Variants in CNTN6 observed in about 807,000 individuals in gnomAD.
CNTN6 encodes contactin 6, also known as contactin-6.
A neutral mutation model predicts 122.8 loss-of-function variants in CNTN6; 137 were observed. The observed-to-expected ratio is 1.12, with a 90% confidence interval of 0.97 to 1.29. CNTN6 has a LOEUF of 1.29. CNTN6 is among the 50% of genes most tolerant of loss of function. The pLI, the probability that CNTN6 is intolerant of heterozygous loss-of-function variation, is 0.00. For missense variants in CNTN6, 1,634 were observed against 1,223.4 expected (o/e 1.34, Z -5.01); for synonymous variants, 570 against 426.0 (o/e 1.34, Z -4.16).
chr3:1,392,500 G>T (rs11128656), intron 20 of CNTN6, among the ~76,000 whole-genome samples: 9 of 146,314 alleles, frequency 6.2e-5, no homozygotes, highest in South Asian at 4.6e-4. Context: ...GCATGGGCAA[G>T]GACTTCATGT....
intron 4 of CNTN6, among the ~76,000 whole-genome samples, chr3:1,252,261 T>C (rs1257354284): frequency 6.6e-6 from 1 of 152,336 alleles, no homozygotes; most frequent in Non-Finnish European, 1.5e-5. Flanking sequence ...GAACAGCCTT[T>C]TCATTGTGCT....
chr3:1,386,286 C>T (rs750199793), intron 20 of CNTN6, among the ~76,000 whole-genome samples: 7 of 152,000 alleles, frequency 4.6e-5, no homozygotes, highest in African/African-American at 1.2e-4. Context: ...CATTTGAGTC[C>T]GAGTATATTC....
chr3:1,189,520 C>T (rs1419361404), intron 2 of CNTN6, among the ~76,000 whole-genome samples: 1 of 152,054 alleles, frequency 6.6e-6, no homozygotes, highest in East Asian at 1.9e-4. Flanking sequence ...AAGTGCTTAC[C>T]ACATTCACTT....
chr3:1,403,291 T>C, intron 22 of CNTN6, 27 bp from the exon 23 acceptor site: 1 of 1,477,910 alleles, frequency 6.8e-7, no homozygotes, highest in Non-Finnish European at 9.4e-7. Context: ...TCTCAAAATA[T>C]TTTTGTCTTA....
At chr3:1,286,242 G>A (rs995472961) in intron 5 of CNTN6, among the ~76,000 whole-genome samples, 1 of 152,094 alleles carries the variant, frequency 6.6e-6, no homozygotes, top group Non-Finnish European at 1.5e-5. Context: ...CACATGTGAA[G>A]AAAGTGCAGG....
At chr3:1,371,470 T>C (rs1709001441) in intron 12 of CNTN6, among the ~76,000 whole-genome samples, 1 of 152,138 alleles carries the variant, frequency 6.6e-6, no homozygotes, top group Non-Finnish European at 1.5e-5. Flanking sequence ...TTCATAGATA[T>C]TGAGTTGCTC....
In CNTN6 at chr3:1,321,702, A is replaced by C; in HGVS notation, c.814A>C (p.Lys272Gln). 1.2e-6 allele frequency: 2 copies of C among 1,611,738 alleles called. No individual in the cohort carries two copies. Among genetic ancestry groups the C allele is most frequent in the Non-Finnish European group, 8.5e-7 (1 of 1,178,542 alleles). Residue 272 changes from lysine to glutamine, a missense_variant, in exon 8 of 23, where the codon AAA (lysine) becomes CAA (glutamine). Physicochemically the swap from Lys to Gln is moderately conservative, Grantham distance 53. Transcript: ENST00000446702. ...RRLDGSPLPG[K>Q]VKYSKSQAIL... The stretch of plus-strand genomic sequence containing the variant: ...GTTGGACGGGAGCCCGTTGCCAGGG[A>C]AAGTCAAGTACAGCAAATCCCAAGC...
chr3:1,202,227 A>T lies in CNTN6; in HGVS notation c.56-18460A>T, dbSNP rs999185829. Among the ~76,000 whole-genome samples the T allele has an allele frequency of 2.0e-5, 3 of 152,260 alleles. No individual in the cohort carries two copies. The South Asian group carries it at 6.2e-4, about 31-fold the overall frequency. On this transcript the variant is annotated intron_variant, in intron 2 of 22. Transcript: ENST00000446702. ...ATGACTAGGAATGAGGAGAAGGAAA[A>T]GCTTCATGCATACTCAGCTGTAACA...
chr3:1,191,787 C>G (rs1192744958), intron 2 of CNTN6, among the ~76,000 whole-genome samples: 1 of 152,048 alleles, frequency 6.6e-6, no homozygotes, highest in East Asian at 1.9e-4. Context: ...AGTTTAGTGT[C>G]AGAATTGAAT....
At chr3:1,215,465 T>C (rs1207630835) in intron 2 of CNTN6, among the ~76,000 whole-genome samples, 9 of 152,230 alleles carry the variant, frequency 5.9e-5, no homozygotes. Flanking sequence ...TTGTTATTTA[T>C]TGATGTTGCC....
intron 1 of CNTN6, among the ~76,000 whole-genome samples, chr3:1,144,561 G>A (rs2092682966): frequency 6.7e-6 from 1 of 149,672 alleles, no homozygotes; most frequent in Middle Eastern, 3.4e-3. Context: ...GACAACAAGA[G>A]CAAAACTCCA....
At chr3:1,312,326 A>ATATATG (rs1033809859) in intron 7 of CNTN6, among the ~76,000 whole-genome samples, 12 of 151,898 alleles carry the variant, frequency 7.9e-5, no homozygotes, top group African/African-American at 2.2e-4. Context: ...AAGAATATAT[A>ATATATG]TATATGTATA....
chr3:1,290,588 C>T (rs536974705), intron 5 of CNTN6, among the ~76,000 whole-genome samples: 10 of 152,106 alleles, frequency 6.6e-5, no homozygotes, highest in Admixed American at 2.0e-4. Flanking sequence ...GAATTCAGGG[C>T]GTGCCCATAG....
chr3:1,380,803 TAGTC>T (rs1301573794), intron 17 of CNTN6, among the ~76,000 whole-genome samples: 2 of 152,208 alleles, frequency 1.3e-5, no homozygotes, highest in African/African-American at 4.8e-5. Flanking sequence ...TGCTGATTCT[TAGTC>T]TGTACTAAAG....
At chr3:1,366,363 C>T (rs981959490) in intron 12 of CNTN6, among the ~76,000 whole-genome samples, 2 of 152,140 alleles carry the variant, frequency 1.3e-5, no homozygotes, top group Non-Finnish European at 2.9e-5. Context: ...CTAAAGATCT[C>T]ACCGATCCAT....
chr3:1,178,793 T>C (rs371212028), intron 2 of CNTN6, among the ~76,000 whole-genome samples: 5 of 152,208 alleles, frequency 3.3e-5, no homozygotes, highest in African/African-American at 1.2e-4. Flanking sequence ...ATGCTTGCAC[T>C]CTACCACTGG....
At chr3:1,096,568 C>A (rs2090538663) in intron 1 of CNTN6, among the ~76,000 whole-genome samples, 1 of 152,088 alleles carries the variant, frequency 6.6e-6, no homozygotes, top group Non-Finnish European at 1.5e-5. Context: ...ATTTGAGAAC[C>A]ACTTGTTCTC....
chr3:1,118,572 A>G (rs1202895107), intron 1 of CNTN6, among the ~76,000 whole-genome samples: 1 of 152,088 alleles, frequency 6.6e-6, no homozygotes, highest in African/African-American at 2.4e-5. Context: ...TTGTCTCTTG[A>G]GGTCATGATT....
At chr3:1,328,031 A>C (rs1488104973) in intron 10 of CNTN6, among the ~76,000 whole-genome samples, 2 of 151,870 alleles carry the variant, frequency 1.3e-5, no homozygotes, top group Non-Finnish European at 2.9e-5. Context: ...CCTTCCCTTC[A>C]GCATCAAAGC....
Sources: gnomAD v4.1 joint callset for allele counts (sites outside exome capture counted in the v4.1 genomes callset) on GRCh38, gnomAD v4.1.1 for gene constraint, MANE v1.5 for transcripts, NCBI Gene and HGNC (gene_info 2026-07-23, HGNC 2026-07-21) for gene names.